LRRFIP2: variants seen among roughly 807,000 people sequenced by gnomAD.
LRRFIP2 encodes leucine-rich repeat flightless-interacting protein 2.
In LRRFIP2, 109 loss-of-function variants were observed where a neutral mutation model predicts 125.9. The ratio of observed to expected loss-of-function variants is 0.87; its 90% CI spans 0.74 to 1.01. LRRFIP2 has a LOEUF of 1.01. Ranked by LOEUF, LRRFIP2 falls within the 50% of genes least tolerant of loss-of-function variation. The pLI, the probability that LRRFIP2 is intolerant of heterozygous loss-of-function variation, is 0.00. For missense variants in LRRFIP2, 850 were observed against 862.3 expected (o/e 0.99, Z 0.18); for synonymous variants, 291 against 293.1 (o/e 0.99, Z 0.07).
rs1481882711 is a variant in LRRFIP2 at position 37,148,890 on chromosome 3, A to C, written c.90+4T>G. 7 of 1,614,034 alleles carry C rather than the reference A, an allele frequency of 4.3e-6. No individual in the cohort carries two copies. Among genetic ancestry groups the C allele is most frequent in the Non-Finnish European group, 5.1e-6 (6 of 1,179,942 alleles). On this transcript the variant is annotated splice_donor_region_variant and intron_variant, in intron 2 of 27. Coordinates refer to ENST00000336686, the MANE Select transcript of LRRFIP2 (RefSeq NM_006309.4). ...AGTGTTGAGAGGGGATTTACCAAAC[A>C]TACCTCTCTGGCAATGTTACTCAAA... is the stretch of plus-strand genomic sequence containing the variant.
chr3:37,055,293 G>T, intron 25 of LRRFIP2, 128 bp from the exon 26 acceptor site: 1 of 545,374 alleles, frequency 1.8e-6, no homozygotes, highest in Non-Finnish European at 3.2e-6. Flanking sequence ...GGCTGGGCGC[G>T]GTGACTCACG....
chr3:37,133,169 G>A (rs1481505153), intron 2 of LRRFIP2, among the ~76,000 whole-genome samples: 2 of 152,218 alleles, frequency 1.3e-5, no homozygotes, highest in African/African-American at 4.8e-5. Flanking sequence ...AGGTTACAGT[G>A]AGCCAAGATT....
At chr3:37,144,157 C>G (rs2095797740) in intron 2 of LRRFIP2, among the ~76,000 whole-genome samples, 1 of 152,304 alleles carries the variant, frequency 6.6e-6, no homozygotes, top group East Asian at 1.9e-4. Context: ...ATAGCTACAT[C>G]GACTCCAGGT....
chr3:37,138,943 G>T (rs2095625031), intron 2 of LRRFIP2, among the ~76,000 whole-genome samples: 1 of 151,884 alleles, frequency 6.6e-6, no homozygotes, highest in Admixed American at 6.6e-5. Context: ...TTGCTCTTTG[G>T]GGTCATTATT....
At chr3:37,149,870 G>A (rs560018041) in intron 1 of LRRFIP2, among the ~76,000 whole-genome samples, 43 of 151,780 alleles carry the variant, frequency 2.8e-4, no homozygotes, top group African/African-American at 9.9e-4. Flanking sequence ...GCATGGTGGC[G>A]CATGCCTATA....
At chr3:37,153,376 A>G (rs1328013782) in intron 1 of LRRFIP2, among the ~76,000 whole-genome samples, 1 of 152,076 alleles carries the variant, frequency 6.6e-6, no homozygotes, top group Non-Finnish European at 1.5e-5. Context: ...ACAGAGTGAG[A>G]CCCTATCTCA....
At chr3:37,125,831 A>G (rs1396936883) in intron 4 of LRRFIP2, among the ~76,000 whole-genome samples, 1 of 152,220 alleles carries the variant, frequency 6.6e-6, no homozygotes, top group Non-Finnish European at 1.5e-5. Flanking sequence ...TATAAACATT[A>G]GCCATTTATA....
intron 15 of LRRFIP2, among the ~76,000 whole-genome samples, chr3:37,100,038 C>A (rs1419600722): frequency 1.3e-5 from 2 of 152,006 alleles, no homozygotes; most frequent in African/African-American, 4.8e-5. Context: ...CTTTGTATTC[C>A]TCTACAAGAT....
intron 2 of LRRFIP2, among the ~76,000 whole-genome samples, chr3:37,132,108 T>C (rs2095441883): frequency 6.6e-6 from 1 of 152,158 alleles, no homozygotes; most frequent in Non-Finnish European, 1.5e-5. Flanking sequence ...TTCACCCCTC[T>C]ATGAGTAGAC....
intron 2 of LRRFIP2, among the ~76,000 whole-genome samples, chr3:37,139,859 A>C (rs1264400898): frequency 6.6e-6 from 1 of 152,098 alleles, no homozygotes; most frequent in Non-Finnish European, 1.5e-5. Flanking sequence ...TTTACAGCTA[A>C]GCTTTCTCAC....
chr3:37,144,861 G>A (rs1287963441), intron 2 of LRRFIP2, among the ~76,000 whole-genome samples: 3 of 152,092 alleles, frequency 2.0e-5, no homozygotes, highest in African/African-American at 7.2e-5. Context: ...TACAGACTAT[G>A]CTTTAATTTC....
At chr3:37,065,998 T>G in intron 22 of LRRFIP2, 56 bp from the exon 23 acceptor site, 1 of 1,607,700 alleles carries the variant, frequency 6.2e-7, no homozygotes, top group South Asian at 1.1e-5. Flanking sequence ...CTGTAAGCTC[T>G]GTGAGGTCAC....
At chr3:37,123,506 A>T (rs2095154922) in intron 4 of LRRFIP2, among the ~76,000 whole-genome samples, 1 of 152,076 alleles carries the variant, frequency 6.6e-6, no homozygotes, top group African/African-American at 2.4e-5. Context: ...TACATTTTTT[A>T]TTATGCAATA....
At chr3:37,059,757 A>G (rs1575786302) in intron 24 of LRRFIP2, among the ~76,000 whole-genome samples, 1 of 151,894 alleles carries the variant, frequency 6.6e-6, no homozygotes, top group East Asian at 1.9e-4. Context: ...ACTGCACTCC[A>G]GCCTGGTGAC....
chr3:37,075,838 C>T (rs982707294), intron 19 of LRRFIP2, among the ~76,000 whole-genome samples: 2 of 151,978 alleles, frequency 1.3e-5, no homozygotes, highest in African/African-American at 4.8e-5. Flanking sequence ...TGTTATGGCA[C>T]ATGAATATAG....
At chr3:37,113,532 C>T (rs141091984) in intron 7 of LRRFIP2, among the ~76,000 whole-genome samples, 92 of 152,122 alleles carry the variant, frequency 6.0e-4, no homozygotes, top group Admixed American at 2.1e-3. Context: ...GAACTCTTGG[C>T]CTCAAGTGAT....
chr3:37,066,961 A>G (rs1438267605), intron 21 of LRRFIP2: 1 of 152,330 alleles, frequency 6.6e-6, no homozygotes, highest in East Asian at 1.9e-4. Context: ...GCTTTCTGTT[A>G]TACTCCCAAA....
At chr3:37,082,604 T>TACATGTATCCATAATA (rs2092733349) in intron 19 of LRRFIP2, among the ~76,000 whole-genome samples, 1 of 152,198 alleles carries the variant, frequency 6.6e-6, no homozygotes, top group South Asian at 2.1e-4. Context: ...AATGTATCCA[T>TACATGTATCCATAATA]ACATGTATCC....
intron 2 of LRRFIP2, among the ~76,000 whole-genome samples, chr3:37,147,859 C>T (rs192438010): frequency 5.6e-4 from 86 of 152,306 alleles, no homozygotes; most frequent in African/African-American, 1.3e-3. Flanking sequence ...TTCCAATATA[C>T]GGCAGGAAAT....
Sources: allele counts gnomAD v4.1 joint callset (sites outside exome capture counted in the v4.1 genomes callset), GRCh38; gene constraint gnomAD v4.1.1; transcripts MANE v1.5; gene names NCBI Gene and HGNC (gene_info 2026-07-23, HGNC 2026-07-21).